COG5: variants seen among roughly 807,000 people sequenced by gnomAD.
The protein encoded by COG5 is component of oligomeric golgi complex 5.
Under a neutral mutation model 110.4 loss-of-function variants are expected in COG5, and 86 were observed. That is an observed-to-expected ratio of 0.78 (90% CI 0.65 to 0.93). The LOEUF is 0.93. Among genes scored for constraint, COG5 ranks in the 40% least tolerant of loss-of-function variants. COG5 has a pLI of 0.00. For missense variants in COG5, 1,077 were observed against 987.0 expected (o/e 1.09, Z -1.22); for synonymous variants, 360 against 334.6 (o/e 1.08, Z -0.83).
chr7:107,321,206 AT>A (rs1488705055), intron 11 of COG5, among the ~76,000 whole-genome samples: 1 of 152,222 alleles, frequency 6.6e-6, no homozygotes, highest in Non-Finnish European at 1.5e-5. Context: ...AAATGAAAAA[AT>A]AACATATAGA....
chr7:107,329,808 C>A (rs1455523807), intron 10 of COG5, among the ~76,000 whole-genome samples: 2 of 152,084 alleles, frequency 1.3e-5, no homozygotes, highest in African/African-American at 4.8e-5. Flanking sequence ...AGGCAGGAGA[C>A]TGCTTTAGCT....
chr7:107,353,288 G>A (rs1292885947), intron 10 of COG5, among the ~76,000 whole-genome samples: 2 of 151,868 alleles, frequency 1.3e-5, no homozygotes, highest in South Asian at 2.1e-4. Flanking sequence ...AGCCGGGCGA[G>A]GTGGCGGGCA....
intron 6 of COG5, among the ~76,000 whole-genome samples, chr7:107,473,363 C>G (rs34325395): frequency 0.19 from 28,780 of 151,802 alleles, 3,233 homozygotes; most frequent in East Asian, 0.33. Flanking sequence ...TGTCCCACTT[C>G]TTCTAATTTT....
chr7:107,345,601 T>A (rs1179725764), intron 10 of COG5, among the ~76,000 whole-genome samples: 1 of 152,106 alleles, frequency 6.6e-6, no homozygotes, highest in Admixed American at 6.5e-5. Context: ...ATACAGAATT[T>A]CAGTTTTGTA....
chr7:107,314,123 C>A (rs1413758918), intron 11 of COG5, among the ~76,000 whole-genome samples: 2 of 151,948 alleles, frequency 1.3e-5, no homozygotes, highest in East Asian at 1.9e-4. Flanking sequence ...ACATTTTGAG[C>A]AAGAGAAGTC....
Position 107,256,774 on chromosome 7 carries a change from T to C in COG5, c.1707A>G (p.Ser569=). 1 of 1,611,334 alleles carries C rather than the reference T, an allele frequency of 6.2e-7. No individual in the cohort carries two copies. Among genetic ancestry groups the C allele is most frequent in the Non-Finnish European group, 8.5e-7 (1 of 1,178,170 alleles). Residue 569 remains serine, a synonymous_variant, in exon 16 of 22, where the codon TCA becomes TCG. Transcript: ENST00000297135. ...TAGTTTGCTCAGCTGCCAGTGGGAA[T>C]GAGCTCTGACTGGAAACAACCTAGA... ...SVTKVVSSQS[S]FPLAAEQTII...
intron 7 of COG5, among the ~76,000 whole-genome samples, chr7:107,403,082 T>A (rs1315776847): frequency 6.6e-6 from 1 of 152,128 alleles, no homozygotes; most frequent in Admixed American, 6.5e-5. Flanking sequence ...ACTTAGGCAA[T>A]TAACTAGGAA....
chr7:107,369,355 T>C (rs975394535), intron 8 of COG5, among the ~76,000 whole-genome samples: 1 of 151,838 alleles, frequency 6.6e-6, no homozygotes, highest in Non-Finnish European at 1.5e-5. Flanking sequence ...ACTTTTTCAC[T>C]ATTTGTAAAC....
intron 5 of COG5, among the ~76,000 whole-genome samples, chr7:107,542,457 T>A (rs1191784155): frequency 6.6e-6 from 1 of 152,204 alleles, no homozygotes. Flanking sequence ...TAAAATAGTT[T>A]GGCATTATCT....
At chr7:107,275,211 T>A (rs1208665230) in intron 14 of COG5, among the ~76,000 whole-genome samples, 2 of 151,814 alleles carry the variant, frequency 1.3e-5, no homozygotes, top group African/African-American at 4.8e-5. Context: ...TGGCTCACTT[T>A]GGGAGGCCGA....
At chr7:107,413,805 G>C (rs1455706047) in intron 6 of COG5, among the ~76,000 whole-genome samples, 1 of 152,172 alleles carries the variant, frequency 6.6e-6, no homozygotes, top group Non-Finnish European at 1.5e-5. Flanking sequence ...CATTAAGCTA[G>C]ACGCAAAGTG....
intron 14 of COG5, among the ~76,000 whole-genome samples, chr7:107,268,581 C>T (rs927066760): frequency 2.6e-5 from 4 of 152,186 alleles, no homozygotes; most frequent in African/African-American, 9.7e-5. Context: ...GACTGACCCT[C>T]TTCCCCACCA....
intron 7 of COG5, among the ~76,000 whole-genome samples, chr7:107,378,530 AG>A (rs1388384279): frequency 6.6e-6 from 1 of 152,204 alleles, no homozygotes; most frequent in African/African-American, 2.4e-5. Context: ...CCTTGAAAAA[AG>A]GTTAGAAAAA....
intron 7 of COG5, among the ~76,000 whole-genome samples, chr7:107,384,925 A>C (rs1018762483): frequency 2.5e-4 from 38 of 152,360 alleles, no homozygotes; most frequent in African/African-American, 8.9e-4. Flanking sequence ...TTATATGCTT[A>C]ACAGATGAAT....
chr7:107,282,197 CA>C (rs1562949121), intron 13 of COG5, among the ~76,000 whole-genome samples: 2 of 152,176 alleles, frequency 1.3e-5, no homozygotes, highest in East Asian at 3.9e-4. Context: ...CTATGTGTAA[CA>C]AAAATGCACT....
At chr7:107,437,397 T>A (rs535583734) in intron 6 of COG5, among the ~76,000 whole-genome samples, 2 of 152,184 alleles carry the variant, frequency 1.3e-5, no homozygotes, top group Non-Finnish European at 2.9e-5. Context: ...GGTTTAGGCA[T>A]CTTAGGTTAA....
chr7:107,422,015 G>C (rs994668227), intron 6 of COG5, among the ~76,000 whole-genome samples: 3 of 151,790 alleles, frequency 2.0e-5, no homozygotes, highest in Non-Finnish European at 4.4e-5. Flanking sequence ...ATTAGAAAAA[G>C]GTCTCAAATC....
intron 18 of COG5, among the ~76,000 whole-genome samples, chr7:107,235,612 G>A (rs1402785140): frequency 6.6e-6 from 1 of 152,182 alleles, no homozygotes; most frequent in Non-Finnish European, 1.5e-5. Flanking sequence ...CTGAGGCAGA[G>A]GAATCACTTG....
intron 6 of COG5, among the ~76,000 whole-genome samples, chr7:107,448,195 C>T (rs1010807582): frequency 2.0e-4 from 30 of 151,902 alleles, no homozygotes; most frequent in African/African-American, 7.3e-4. Flanking sequence ...CCTCCTCCCC[C>T]AAAACATGGA....
Sources: gnomAD v4.1 joint callset for allele counts (sites outside exome capture counted in the v4.1 genomes callset) on GRCh38, gnomAD v4.1.1 for gene constraint, MANE v1.5 for transcripts, NCBI Gene and HGNC (gene_info 2026-07-23, HGNC 2026-07-21) for gene names.